The following ASB6 variants were observed in gnomAD, a reference collection of about 807,000 sequenced individuals.
ASB6 encodes the protein ankyrin repeat and SOCS box containing 6.
ASB6 carries 24 observed loss-of-function variants against 28.6 expected under a neutral mutation model. The ratio of observed to expected loss-of-function variants is 0.84; its 90% CI spans 0.61 to 1.18. The LOEUF is 1.18. ASB6 is among the 50% of genes most tolerant of loss of function. The pLI is 0.00. For synonymous variants in ASB6, 267 were observed against 243.4 expected (o/e 1.10, Z -0.90); for missense variants, 519 against 559.8 (o/e 0.93, Z 0.74).
intron 1 of ASB6, chr9:129,641,202 A>G (rs1831689613): frequency 6.2e-6 from 1 of 162,508 alleles, no homozygotes; most frequent in South Asian, 1.4e-4. Context: ...TGATGAAGAA[A>G]GCCTACGTTT....
intron 4 of ASB6, among the ~76,000 whole-genome samples, chr9:129,638,976 T>G (rs746957191): frequency 5.3e-5 from 8 of 152,242 alleles, no homozygotes; most frequent in African/African-American, 9.6e-5. Context: ...TATTTCTTCC[T>G]ATAGAAGGCC....
chr9:129,641,752 C>T (rs1302509688), intron 1 of ASB6, 135 bp downstream of exon 1: 4 of 982,058 alleles, frequency 4.1e-6, no homozygotes. Context: ...GCACTCCGAG[C>T]CACGCAACCC....
chr9:129,639,529 C>T (rs779038901), intron 2 of ASB6, 21 bp from the exon 3 acceptor site: 5 of 1,600,160 alleles, frequency 3.1e-6, no homozygotes, highest in Non-Finnish European at 4.3e-6. Flanking sequence ...AGACACAGCT[C>T]ATGTGGGTCC....
rs770630293 is a variant in ASB6, at chr9:129,638,476, A to C, written c.599-19T>G. ...TCTGCCCCTAGAAGAGCCATAGAAC[A>C]AGAGATGCTGGGAGAAGGCCTTCAA... On this transcript the variant is annotated intron_variant, in intron 5 of 5. Coordinates refer to ENST00000277458, the MANE Select transcript of ASB6 (RefSeq NM_017873.4). The C allele has an allele frequency of 6.0e-5, 97 of 1,608,696 alleles. No individual in the cohort carries two copies. Among genetic ancestry groups the C allele is most frequent in the Non-Finnish European group, 7.6e-5 (89 of 1,175,870 alleles).
Position 129,634,663 on chromosome 9 carries a change from C to A in ASB6, c.*3127G>T. On this transcript the variant is annotated 3_prime_UTR_variant, in exon 6 of 6. Transcript: ENST00000277458. ...AATAGTTTAAGCTTCGTGTCTAGCCCTGCACCCTCTTAGCCTAACAGCACA... is the reference window on the plus strand; with the variant it reads ...AATAGTTTAAGCTTCGTGTCTAGCCATGCACCCTCTTAGCCTAACAGCACA... The A allele has an allele frequency of 4.1e-6, 1 of 246,894 alleles. No individual in the cohort carries two copies. Among genetic ancestry groups the A allele is most frequent in the Non-Finnish European group, 7.9e-6 (1 of 127,358 alleles). 15.3% of individuals were successfully genotyped at this position (246,894 alleles called of 1,614,324 possible).
At position 129,638,162 on chromosome 9, in the gene ASB6, A is replaced by C. The variant is rs768558956; in HGVS notation, c.894T>G (p.Ser298=). Reference sequence around the variant, plus strand: ...GCCTCTCAAAGATGATGTGAAAGCCAGACCAGCAGGACGCACCGTGCAGGG... The same window carrying C: ...GCCTCTCAAAGATGATGTGAAAGCCCGACCAGCAGGACGCACCGTGCAGGG... ...NCSLHGASCW[S]GFHIIFERLC... The change falls in exon 6 of 6, where the codon TCT becomes TCG. Residue 298 remains serine, a synonymous_variant. Transcript: ENST00000277458. 1 of 1,613,972 alleles carries C rather than the reference A, an allele frequency of 6.2e-7. No individual in the cohort carries two copies. Among genetic ancestry groups the C allele is most frequent in the South Asian group, 1.1e-5 (1 of 91,080 alleles).
rs755236847 is a variant in ASB6, at chr9:129,635,503, G to A, written c.*2287C>T. The A allele has an allele frequency of 2.5e-6, 4 of 1,580,254 alleles. No individual in the cohort carries two copies. In the East Asian group the frequency reaches 9.0e-5, roughly 36 times the overall value. On this transcript the variant is annotated 3_prime_UTR_variant, in exon 6 of 6. Coordinates refer to ENST00000277458, the MANE Select transcript of ASB6 (RefSeq NM_017873.4). The stretch of plus-strand genomic sequence containing the variant: ...GGAGAAACTGAGGAACCACAGTCCT[G>A]GTGGGGGGAGCTGGCAGCTGGGCAA...
Position 129,639,224 on chromosome 9 carries a change from A to T in ASB6, c.489T>A (p.Asp163Glu). 6.2e-7 allele frequency: 1 copy of T among 1,610,448 alleles called. No individual in the cohort carries two copies. ...CLQRLLDLGA[D>E]VNAADKHGKT... The stretch of plus-strand genomic sequence containing the variant: ...CACCATGCTTGTCAGCGGCATTGAC[A>T]TCAGCTCCAAGGTCCAGGAGGCGCT... Residue 163 changes from aspartate to glutamate, a missense_variant, in exon 4 of 6, where the codon GAT becomes GAA. Coordinates refer to ENST00000277458, the MANE Select transcript of ASB6 (RefSeq NM_017873.4).
chr9:129,640,786 G>A, intron 1 of ASB6, 64 bp from the exon 2 acceptor site: 1 of 1,588,208 alleles, frequency 6.3e-7, no homozygotes, highest in Non-Finnish European at 8.6e-7. Context: ...GCAGCCTGTG[G>A]GTTGGTGGGC....
intron 5 of ASB6, 32 bp downstream of exon 5, chr9:129,638,541 G>A: frequency 6.2e-7 from 1 of 1,612,922 alleles, no homozygotes; most frequent in Admixed American, 1.7e-5. Context: ...GGGCGGGTGA[G>A]AGGACGAGGC....
At position 129,638,601 on chromosome 9, in the gene ASB6, A is replaced by G. The variant is rs1831616736; in HGVS notation, c.570T>C (p.Thr190=). ...ASSDGVQIHN[T]ENIRLLLEGG... is the part of the protein sequence containing the mutation. ...CTTCCAGTAAGAGACGAATGTTCTC[A>G]GTATTGTGGATCTGCACCCCGTCGC... is the stretch of plus-strand genomic sequence containing the variant. The change falls in exon 5 of 6, where the codon ACT becomes ACC. Residue 190 remains threonine (T), a synonymous_variant. Coordinates refer to ENST00000277458, the MANE Select transcript of ASB6 (RefSeq NM_017873.4). 10 of 1,613,902 alleles carry G rather than the reference A, an allele frequency of 6.2e-6. No homozygotes were observed. In the Middle Eastern group the frequency reaches 4.9e-4, roughly 80 times the overall value.
Position 129,635,210 on chromosome 9 carries a change from C to T in ASB6, c.*2580G>A, listed in dbSNP as rs776009812. ...AACCTTGCCTCTGCCCTCCCCAGGC[C>T]ACCTCACCGATCAGCACCTGGCCGA... On this transcript the variant is annotated 3_prime_UTR_variant, in exon 6 of 6. Transcript: ENST00000277458. The T allele has an allele frequency of 6.2e-7, 1 of 1,607,680 alleles. No homozygotes were observed. The highest frequency in any genetic ancestry group is 1.1e-5 in the South Asian group (1 of 91,020).
chr9:129,639,106 G>C lies in ASB6; in HGVS notation c.511+96C>G, dbSNP rs1241466469. ...TGCCACCAGCCAGGGCCAGCATCCA[G>C]TCTGCCCACCTAGCTGTTGTCCTGG... On this transcript the variant is annotated intron_variant, in intron 4 of 5. Coordinates refer to ENST00000277458, the MANE Select transcript of ASB6 (RefSeq NM_017873.4). 4 of 1,235,928 alleles carry C rather than the reference G, an allele frequency of 3.2e-6. No homozygotes were observed. The East Asian group carries it at 9.4e-5, about 29-fold the overall frequency. 76.6% of individuals were successfully genotyped at this position (1,235,928 alleles called of 1,614,324 possible).
chr9:129,641,179 C>T (rs1831689032), intron 1 of ASB6: 1 of 172,484 alleles, frequency 5.8e-6, no homozygotes, highest in Admixed American at 6.5e-5. Flanking sequence ...ACATTGAGAC[C>T]TTCAGCTGAT....
In ASB6 at chr9:129,637,824, C is replaced by T; in HGVS notation, c.1232G>A (p.Ser411Asn). Residue 411 changes from serine (S) to asparagine (N), a missense_variant, in exon 6 of 6, where the codon AGC becomes AAC. By Grantham distance (46) the Ser-to-Asn change is conservative. Coordinates refer to ENST00000277458, the MANE Select transcript of ASB6 (RefSeq NM_017873.4). The stretch of plus-strand genomic sequence containing the variant: ...ATCTTCCACGGAGCCACTGTGCTCG[C>T]TAAGGAGGTACCACTTCAGCCTGTC... ...LPDRLKWYLLSEHSGSVEDDI is the reference protein window; with the variant it reads ...LPDRLKWYLLNEHSGSVEDDI 1 of 1,519,012 alleles carries T rather than the reference C, an allele frequency of 6.6e-7. No individual in the cohort carries two copies. The highest frequency in any genetic ancestry group is 1.3e-5 in the South Asian group (1 of 75,514). The allele number at this position is 1,519,012 out of a possible 1,614,324, so 94.1% of individuals were successfully genotyped here. A position where few individuals can be genotyped will look rare whatever the true frequency, so the allele number is the denominator to read the frequency against.
chr9:129,641,398 T>G (rs1401131821), intron 1 of ASB6: 1 of 154,050 alleles, frequency 6.5e-6, no homozygotes, highest in African/African-American at 2.4e-5. Flanking sequence ...GCGGGGGTTT[T>G]GCTGAGCCAC....
At position 129,639,520 on chromosome 9, in the gene ASB6, G is replaced by A; in HGVS notation, c.296-12C>T. The stretch of plus-strand genomic sequence containing the variant: ...GTAGGTGACTGGGTCTGAAGGTGCA[G>A]ACACAGCTCATGTGGGTCCTATCTG... On this transcript the variant is annotated splice_polypyrimidine_tract_variant and intron_variant, in intron 2 of 5. Coordinates refer to ENST00000277458, the MANE Select transcript of ASB6 (RefSeq NM_017873.4). 3 of 1,607,414 alleles carry A rather than the reference G, an allele frequency of 1.9e-6. No individual in the cohort carries two copies. Among genetic ancestry groups the A allele is most frequent in the Non-Finnish European group, 2.6e-6 (3 of 1,175,318 alleles).
At position 129,640,531 on chromosome 9, in the gene ASB6, T is replaced by G; in HGVS notation, c.295+10A>C. ...TAAGCCACCTGCCCACCCCCGGGGC[T>G]CTCGCTGACCTTCAAAGTTGAGATT... On this transcript the variant is annotated intron_variant, in intron 2 of 5. Coordinates refer to ENST00000277458, the MANE Select transcript of ASB6 (RefSeq NM_017873.4). 6.2e-7 allele frequency: 1 copy of G among 1,601,282 alleles called. No individual in the cohort carries two copies. The highest frequency in any genetic ancestry group is 2.2e-5 in the East Asian group (1 of 44,588).
chr9:129,640,373 G>T, intron 2 of ASB6, 168 bp downstream of exon 2: 1 of 883,128 alleles, frequency 1.1e-6, no homozygotes, highest in African/African-American at 1.7e-5. Context: ...AACCCGCAGG[G>T]GGTGGGAGGC....
Sources: gnomAD v4.1 joint callset for allele counts (sites outside exome capture counted in the v4.1 genomes callset) on GRCh38, gnomAD v4.1.1 for gene constraint, MANE v1.5 for transcripts, NCBI Gene and HGNC (gene_info 2026-07-23, HGNC 2026-07-21) for gene names.